ERICH3: variants seen among roughly 807,000 people sequenced by gnomAD.
ERICH3 encodes the protein glutamate rich 3.
In ERICH3, 126 loss-of-function variants were observed where a neutral mutation model predicts 131.1. The observed-to-expected ratio is 0.96, with a 90% CI of 0.83 to 1.11. ERICH3 has a LOEUF of 1.11. Ranked by LOEUF, ERICH3 falls within the 50% of genes most tolerant of loss-of-function variation. The pLI, the probability that ERICH3 is intolerant of heterozygous loss-of-function variation, is 0.00. For synonymous variants in ERICH3, 695 were observed against 644.6 expected (o/e 1.08, Z -1.18); for missense variants, 2,050 against 1,810.7 (o/e 1.13, Z -2.40).
In ERICH3 at chr1:74,573,098, C is replaced by T. The variant is rs1339242304; in HGVS notation, c.2612G>A (p.Ser871Asn). 1.2e-6 allele frequency: 2 copies of T among 1,614,108 alleles called. No homozygotes were observed. Among genetic ancestry groups the T allele is most frequent in the South Asian group, 2.2e-5 (2 of 91,078 alleles). ...TTGCTTTTCAGGAGCCTCATCTTTACTCAGACCCACAGCATCTTTTGCTGC... is the reference window on the plus strand; with the variant it reads ...TTGCTTTTCAGGAGCCTCATCTTTATTCAGACCCACAGCATCTTTTGCTGC... ...QAAAKDAVGLSKDEAPEKQAL... is the reference protein window; with the variant it reads ...QAAAKDAVGLNKDEAPEKQAL... The change falls in exon 14 of 15, where the codon AGT becomes AAT. Residue 871 changes from serine (S) to asparagine (N), a missense_variant. Coordinates refer to ENST00000326665, the MANE Select transcript of ERICH3 (RefSeq NM_001002912.5).
At chr1:74,630,955 T>G (rs184797874) in intron 7 of ERICH3, among the ~76,000 whole-genome samples, 24 of 152,116 alleles carry the variant, frequency 1.6e-4, no homozygotes, top group African/African-American at 5.3e-4. Flanking sequence ...CTGAGAAGGT[T>G]AGAGGTAAGG....
intron 10 of ERICH3, among the ~76,000 whole-genome samples, chr1:74,606,352 A>C (rs983936102): frequency 1.3e-5 from 2 of 151,896 alleles, no homozygotes; most frequent in African/African-American, 4.8e-5. Context: ...TCACATTGAC[A>C]TGTACTCATT....
In ERICH3 at chr1:74,599,726, G is replaced by T. The variant is rs889614844; in HGVS notation, c.1695C>A (p.Cys565Ter). ...RDNVKDENDG[C>*]SESELEEDKQ... ...TATCCTCTTCCAGTTCACTCTCAGA[G>T]CATCCATCATTCTCATCTTTCACAT... Residue 565 changes from cysteine (C) to a stop codon, truncating the protein, a stop_gained, in exon 11 of 15, where the codon TGC becomes TGA. Transcript: ENST00000326665. LOFTEE classifies it high-confidence loss of function. The T allele has an allele frequency of 1.2e-6, 2 of 1,611,638 alleles. No homozygotes were observed. Among genetic ancestry groups the T allele is most frequent in the African/African-American group, 2.7e-5 (2 of 74,688 alleles).
At chr1:74,585,963 A>G (rs992499774) in intron 12 of ERICH3, among the ~76,000 whole-genome samples, 6 of 152,070 alleles carry the variant, frequency 3.9e-5, no homozygotes, top group Admixed American at 6.5e-5. Flanking sequence ...GATAGCATTA[A>G]TCCTTCCACA....
intron 5 of ERICH3, 99 bp from the exon 6 acceptor site, chr1:74,636,537 G>A (rs576043278): frequency 8.6e-7 from 1 of 1,165,664 alleles, no homozygotes; most frequent in East Asian, 2.4e-5. Flanking sequence ...AATTAATGGT[G>A]CCTTTTTACT....
chr1:74,584,376 C>T (rs1647240928), intron 12 of ERICH3, among the ~76,000 whole-genome samples: 1 of 152,176 alleles, frequency 6.6e-6, no homozygotes, highest in Non-Finnish European at 1.5e-5. Flanking sequence ...CTCCCCATGA[C>T]CTATGAGCTT....
chr1:74,576,882 A>G lies in ERICH3; in HGVS notation c.2218+13T>C, dbSNP rs761319331. ...ATCACTCTAATTGGACCTCTTGCAG[A>G]TGGAATACTTACCACCAAGAGCCAG... On this transcript the variant is annotated intron_variant, in intron 13 of 14. Coordinates refer to ENST00000326665, the MANE Select transcript of ERICH3 (RefSeq NM_001002912.5). The G allele has an allele frequency of 1.3e-6, 2 of 1,597,100 alleles. No homozygotes were observed. The highest frequency in any genetic ancestry group is 1.7e-6 in the Non-Finnish European group (2 of 1,172,214).
At chr1:74,582,133 G>C (rs1019339679) in intron 12 of ERICH3, among the ~76,000 whole-genome samples, 2 of 152,096 alleles carry the variant, frequency 1.3e-5, no homozygotes, top group Non-Finnish European at 2.9e-5. Context: ...AGCTTTCCTG[G>C]GATGGTGGCA....
At chr1:74,627,510 A>T (rs1649458095) in intron 7 of ERICH3, among the ~76,000 whole-genome samples, 1 of 152,152 alleles carries the variant, frequency 6.6e-6, no homozygotes, top group Non-Finnish European at 1.5e-5. Context: ...CTTGGACTAA[A>T]CTCATTTATT....
intron 13 of ERICH3, 97 bp downstream of exon 13, chr1:74,576,798 G>A (rs1235425020): frequency 1.9e-6 from 2 of 1,048,208 alleles, no homozygotes; most frequent in African/African-American, 1.6e-5. Flanking sequence ...ATACTAGAAA[G>A]CCTAGTGATT....
intron 7 of ERICH3, chr1:74,624,459 C>CTTCTCT (rs1649346539): frequency 1.3e-5 from 2 of 152,244 alleles, no homozygotes; most frequent in African/African-American, 4.8e-5. Flanking sequence ...TTCCCTTTCT[C>CTTCTCT]TTCTCTTTCT....
At position 74,673,612 on chromosome 1, in the gene ERICH3, G is replaced by C; in HGVS notation, c.-93C>G. ...TGGCGCTGCGACAGTCGCGCTCGAG[G>C]GGTGGCTCCGCACCGAGGTCCCCTG... On this transcript the variant is annotated 5_prime_UTR_variant, in exon 1 of 15. Transcript: ENST00000326665. The C allele has an allele frequency of 1.4e-6, 2 of 1,447,766 alleles. No individual in the cohort carries two copies. Among genetic ancestry groups the C allele is most frequent in the Non-Finnish European group, 1.9e-6 (2 of 1,052,052 alleles). 89.7% of individuals were successfully genotyped at this position (1,447,766 alleles called of 1,614,324 possible).
intron 12 of ERICH3, chr1:74,586,334 T>A (rs1647329295): frequency 1.2e-6 from 1 of 868,862 alleles, no homozygotes. Context: ...TGTATATGTA[T>A]CTTTGTAATA....
chr1:74,632,700 A>G (rs1240872013), intron 6 of ERICH3, among the ~76,000 whole-genome samples: 1 of 151,970 alleles, frequency 6.6e-6, no homozygotes, highest in Non-Finnish European at 1.5e-5. Context: ...CAAAAATAAC[A>G]TGAATATATT....
chr1:74,660,529 A>G (rs1285287679), intron 1 of ERICH3, among the ~76,000 whole-genome samples: 2 of 150,728 alleles, frequency 1.3e-5, no homozygotes, highest in African/African-American at 4.9e-5. Context: ...TAAACTCTTT[A>G]AACTACCATC....
chr1:74,667,516 A>G (rs1268188266), intron 1 of ERICH3, among the ~76,000 whole-genome samples: 1 of 152,200 alleles, frequency 6.6e-6, no homozygotes, highest in Non-Finnish European at 1.5e-5. Flanking sequence ...TTTCAGTACT[A>G]CCTTCAATGG....
intron 11 of ERICH3, 22 bp downstream of exon 11, chr1:74,599,673 C>T: frequency 3.2e-6 from 5 of 1,554,120 alleles, no homozygotes; most frequent in Non-Finnish European, 4.4e-6. Context: ...GCCTATGTTA[C>T]ATGATAAGCT....
intron 2 of ERICH3, among the ~76,000 whole-genome samples, chr1:74,647,049 GT>G (rs1326088954): frequency 2.6e-5 from 4 of 151,872 alleles, no homozygotes; most frequent in African/African-American, 9.7e-5. Flanking sequence ...TATCACTATG[GT>G]TGATCAACTT....
intron 11 of ERICH3, among the ~76,000 whole-genome samples, chr1:74,594,282 G>GTGTA (rs1325825188): frequency 6.6e-6 from 1 of 151,586 alleles, no homozygotes; most frequent in Admixed American, 6.6e-5. Context: ...GCGTGTGTGT[G>GTGTA]TGTGTGTGTG....
Sources: allele counts gnomAD v4.1 joint callset (sites outside exome capture counted in the v4.1 genomes callset), GRCh38; gene constraint gnomAD v4.1.1; transcripts MANE v1.5; gene names NCBI Gene and HGNC (gene_info 2026-07-23, HGNC 2026-07-21).